Variants in FDXACB1 observed in about 807,000 individuals in gnomAD.
The protein encoded by FDXACB1 is ferredoxin-fold anticodon-binding domain-containing protein 1.
Under a neutral mutation model 51.7 loss-of-function variants are expected in FDXACB1, and 41 were observed. The observed-to-expected ratio is 0.79, with a 90% CI of 0.62 to 1.03. The LOEUF (loss-of-function observed/expected upper bound fraction) is 1.03, where lower values mean the gene tolerates loss of function less well. Ranked by LOEUF, FDXACB1 falls within the 50% of genes least tolerant of loss-of-function variation. FDXACB1 has a pLI of 0.00. For missense variants in FDXACB1, 697 were observed against 746.4 expected, an observed-to-expected ratio of 0.93 and a Z score of 0.77; for synonymous variants, 273 against 278.6, an observed-to-expected ratio of 0.98 and a Z score of 0.20.
At chr11:111,877,399 A>G (rs142909579) in intron 2 of FDXACB1, among the ~76,000 whole-genome samples, 1,573 of 152,278 alleles carry the variant, frequency 0.01, 24 homozygotes, top group African/African-American at 0.035. Flanking sequence ...CCTCTGTCAA[A>G]ACTTTATTGA....
In FDXACB1 at chr11:111,876,975, G is replaced by A. The variant is rs542081886; in HGVS notation, c.366C>T (p.His122=). 20 of 1,599,186 alleles carry A rather than the reference G, an allele frequency of 1.3e-5. No individual in the cohort carries two copies. The highest frequency in any genetic ancestry group is 1.1e-4 in the African/African-American group (8 of 74,824). Residue 122 remains histidine (H), a synonymous_variant, in exon 3 of 5, where the codon CAC becomes CAT. Coordinates refer to ENST00000260257, the MANE Select transcript of FDXACB1 (RefSeq NM_138378.3). The stretch of plus-strand genomic sequence containing the variant: ...CACCTTGTCCTCTACATAATGCCAC[G>A]TGGACTTCTCCTTCCTCTGCAAGAA... ...ADVLAEEGEV[H]VALCRGQGGT...
In FDXACB1 at chr11:111,874,838, G is replaced by C. The variant is rs1964772897; in HGVS notation, c.*84C>G. On this transcript the variant is annotated 3_prime_UTR_variant, in exon 5 of 5. Coordinates refer to ENST00000260257, the MANE Select transcript of FDXACB1 (RefSeq NM_138378.3). ...AAGATTTTACAAAAACAAAAATCCA[G>C]AAAGGACTACTGGTTGCAAGTTGGT... 1 of 1,188,722 alleles carries C rather than the reference G, an allele frequency of 8.4e-7. No homozygotes were observed. The allele number at this position is 1,188,722 out of a possible 1,614,324, so 73.6% of individuals were successfully genotyped here.
At position 111,874,995 on chromosome 11, in the gene FDXACB1, T is replaced by C. The variant is rs1335276634; in HGVS notation, c.1802A>G (p.Gln601Arg). ...GGACTGCATTGATGCTACTTGCTGCTGGGTGAGGGCCTTGTCACAGGTCTG... is the reference window on the plus strand; with the variant it reads ...GGACTGCATTGATGCTACTTGCTGCCGGGTGAGGGCCTTGTCACAGGTCTG... ...TYQTCDKALTQQQVASMQSQF... is the reference protein window; with the variant it reads ...TYQTCDKALTRQQVASMQSQF... Residue 601 changes from glutamine (Q) to arginine (R), a missense_variant, in exon 5 of 5, where the codon CAG (glutamine) becomes CGG (arginine). Gln to Arg is a conservative substitution (Grantham distance 43). This residue lies in a region of FDXACB1 where 538 missense variants were observed against 592.2 expected (regional missense o/e 0.91). Coordinates refer to ENST00000260257, the MANE Select transcript of FDXACB1 (RefSeq NM_138378.3). 3.7e-6 allele frequency: 6 copies of C among 1,613,874 alleles called. No homozygotes were observed. Among genetic ancestry groups the C allele is most frequent in the African/African-American group, 1.3e-5 (1 of 74,926 alleles).
At position 111,876,883 on chromosome 11, in the gene FDXACB1, A is replaced by C; in HGVS notation, c.458T>G (p.Leu153Arg). ...CACGTCGCTTAAAATGAGCCCCCCC[A>C]GGGCTGCCATGGCAACCACTTGCCA... ...NSWQVVAMAA[L>R]GGLILSDVYP... is the part of the protein sequence containing the mutation. Residue 153 changes from leucine (L) to arginine (R), a missense_variant, in exon 3 of 5, where the codon CTG becomes CGG. This residue lies in a region of FDXACB1 where 538 missense variants were observed against 592.2 expected (regional missense o/e 0.91). Transcript: ENST00000260257. 3 of 1,613,596 alleles carry C rather than the reference A, an allele frequency of 1.9e-6. No individual in the cohort carries two copies. Among genetic ancestry groups the C allele is most frequent in the Non-Finnish European group, 2.5e-6 (3 of 1,179,712 alleles).
At position 111,874,928 on chromosome 11, in the gene FDXACB1, A is replaced by G; in HGVS notation, c.1869T>C (p.Pro623=). The G allele has an allele frequency of 6.2e-7, 1 of 1,613,208 alleles. No individual in the cohort carries two copies. The highest frequency in any genetic ancestry group is 8.5e-7 in the Non-Finnish European group (1 of 1,179,268). Residue 623 remains proline (P), a synonymous_variant, in exon 5 of 5, where the codon CCT becomes CCC. Transcript: ENST00000260257. ...CAGAAAAGGATTTACCAAACTACCGAGGTATAACATATAGGTGTTGTTGAA... is the reference window on the plus strand; with the variant it reads ...CAGAAAAGGATTTACCAAACTACCGGGGTATAACATATAGGTGTTGTTGAA... The part of the protein sequence containing the change: ...KEIQQHLYVI[P]R
intron 3 of FDXACB1, 28 bp from the exon 4 acceptor site, chr11:111,876,667 C>A: frequency 1.2e-6 from 2 of 1,602,798 alleles, no homozygotes; most frequent in South Asian, 2.2e-5. Flanking sequence ...AATATGAAGT[C>A]TGTCATTATT....
intron 3 of FDXACB1, 73 bp from the exon 4 acceptor site, chr11:111,876,712 T>C: frequency 1.3e-6 from 2 of 1,582,590 alleles, no homozygotes; most frequent in Non-Finnish European, 1.7e-6. Context: ...CCGAATCAAT[T>C]AATTGGCAGG....
chr11:111,876,554 T>C lies in FDXACB1; in HGVS notation c.619A>G (p.Ile207Val), dbSNP rs1566368679. Residue 207 changes from isoleucine (I) to valine (V), a missense_variant, in exon 4 of 5, where the codon ATC (isoleucine) becomes GTC (valine). Ile to Val is a conservative substitution (Grantham distance 29, BLOSUM62 3). Around this residue, in one of 3 missense-constraint regions of FDXACB1, gnomAD observed 538 missense variants for 592.2 expected, o/e 0.91. Transcript: ENST00000260257. ...TGGTTACCCAGTTTGATCCTGAAGATTCTGGGTTGAGAACCTTCAAAAGGT... is the reference window on the plus strand; with the variant it reads ...TGGTTACCCAGTTTGATCCTGAAGACTCTGGGTTGAGAACCTTCAAAAGGT... The part of the protein sequence containing the change: ...SLPFEGSQPR[I>V]FRIKLGNQWF... 1.9e-6 allele frequency: 3 copies of C among 1,614,066 alleles called. No individual in the cohort carries two copies. The highest frequency in any genetic ancestry group is 2.5e-6 in the Non-Finnish European group (3 of 1,179,892).
chr11:111,878,976 A>C lies in FDXACB1; in HGVS notation c.157T>G (p.Cys53Gly). 6.2e-7 allele frequency: 1 copy of C among 1,604,312 alleles called. No homozygotes were observed. Among genetic ancestry groups the C allele is most frequent in the Non-Finnish European group, 8.5e-7 (1 of 1,176,554 alleles). Residue 53 changes from cysteine to glycine, a missense_variant, in exon 1 of 5, where the codon TGC (cysteine) becomes GGC (glycine). Transcript: ENST00000260257. ...RDPLAWENLQ[C>G]LRERGIDVRF... ...GGCTCGCTACCTCGCTCGCGCAGGCACTGCAGATTCTCCCAGGCCAGTGGA... is the reference window on the plus strand; with the variant it reads ...GGCTCGCTACCTCGCTCGCGCAGGCCCTGCAGATTCTCCCAGGCCAGTGGA...
rs200885903 is a variant in FDXACB1 at position 111,879,153 on chromosome 11, T to C, written c.-21A>G. The C allele has an allele frequency of 8.9e-4, 1,426 of 1,594,832 alleles. 3 individuals carry two copies. Among genetic ancestry groups the C allele is most frequent in the Non-Finnish European group, 7.8e-4 (910 of 1,170,456 alleles). On this transcript the variant is annotated 5_prime_UTR_variant, in exon 1 of 5. Transcript: ENST00000260257. ...GCCATGGCCTCCACGGACTCCCGGCTCGCGTTCTCTGTGGCGCTCGTTTTA... is the reference window on the plus strand; with the variant it reads ...GCCATGGCCTCCACGGACTCCCGGCCCGCGTTCTCTGTGGCGCTCGTTTTA...
In FDXACB1 at chr11:111,876,761, T is replaced by C. The variant is rs1280555612; in HGVS notation, c.533+47A>G. The C allele has an allele frequency of 3.1e-6, 5 of 1,599,620 alleles. No individual in the cohort carries two copies. The African/African-American group carries it at 5.4e-5, about 17-fold the overall frequency. ...GTCTATGAGATTTTGTTATCATTAG[T>C]GAGAGAGATGAAAACGCAGAAGGCT... On this transcript the variant is annotated intron_variant, in intron 3 of 4. Coordinates refer to ENST00000260257, the MANE Select transcript of FDXACB1 (RefSeq NM_138378.3).
rs1964787872 is a variant in FDXACB1, at chr11:111,875,309, C to T, written c.1488G>A (p.Met496Ile). ...FVSMNLDLLA[M>I]LVWCISDWRM... is the part of the protein sequence containing the mutation. ...TCCAGTCAGAGATACACCAGACAAG[C>T]ATGGCTAATAAGTCCAAGTTCATAG... The change falls in exon 5 of 5, where the codon ATG (methionine) becomes ATA (isoleucine). Residue 496 changes from methionine to isoleucine, a missense_variant. Coordinates refer to ENST00000260257, the MANE Select transcript of FDXACB1 (RefSeq NM_138378.3). 6.2e-7 allele frequency: 1 copy of T among 1,613,786 alleles called. No homozygotes were observed. The highest frequency in any genetic ancestry group is 1.7e-5 in the Admixed American group (1 of 59,984).
At chr11:111,876,671 C>T (rs1436798258) in intron 3 of FDXACB1, 32 bp from the exon 4 acceptor site, 1 of 1,600,944 alleles carries the variant, frequency 6.2e-7, no homozygotes, top group Non-Finnish European at 8.5e-7. Context: ...TGAAGTCTGT[C>T]ATTATTAAAA....
rs1555162127 is a variant in FDXACB1, at chr11:111,876,091, C to G, written c.706G>C (p.Ala236Pro). ...GTTTTGATAGGATGACATGAAGGTG[C>G]TTCCAGGAAACCCCTGTTTAAACAC... ...VGKLNRGFLE[A>P]PSCHPIKTIN... The change falls in exon 5 of 5, where the codon GCA becomes CCA. Residue 236 changes from alanine to proline, a missense_variant. Transcript: ENST00000260257. 1.2e-6 allele frequency: 2 copies of G among 1,601,184 alleles called. No homozygotes were observed. The highest frequency in any genetic ancestry group is 8.5e-7 in the Non-Finnish European group (1 of 1,173,296).
rs370683740 is a variant in FDXACB1 at position 111,875,781 on chromosome 11, G to T, written c.1016C>A (p.Thr339Asn). The change falls in exon 5 of 5, where the codon ACC becomes AAC. Residue 339 changes from threonine to asparagine, a missense_variant. By Grantham distance (65) the Thr-to-Asn change is moderately conservative. Coordinates refer to ENST00000260257, the MANE Select transcript of FDXACB1 (RefSeq NM_138378.3). ...RDGKEEACEG[T>N]CGQAKICLRP... ...AAGGCAGATCTTGGCCTGGCCACAG[G>T]TTCCTTCACAAGCTTCTTCTTTACC... 5.0e-6 allele frequency: 8 copies of T among 1,613,534 alleles called. No individual in the cohort carries two copies. The highest frequency in any genetic ancestry group is 2.2e-5 in the East Asian group (1 of 44,896).
At chr11:111,877,307 T>A (rs1313346573) in intron 2 of FDXACB1, among the ~76,000 whole-genome samples, 2 of 152,212 alleles carry the variant, frequency 1.3e-5, no homozygotes, top group Non-Finnish European at 2.9e-5. Flanking sequence ...CTATATATGA[T>A]TCATTGCTTA....
chr11:111,874,906 A>G lies in FDXACB1; in HGVS notation c.*16T>C. On this transcript the variant is annotated 3_prime_UTR_variant, in exon 5 of 5. Coordinates refer to ENST00000260257, the MANE Select transcript of FDXACB1 (RefSeq NM_138378.3). ...CCCGCAATGAAGGATCACACTGCAGAAAAGGATTTACCAAACTACCGAGGT... is the reference window on the plus strand; with the variant it reads ...CCCGCAATGAAGGATCACACTGCAGGAAAGGATTTACCAAACTACCGAGGT... 6.2e-7 allele frequency: 1 copy of G among 1,607,068 alleles called. No individual in the cohort carries two copies. Among genetic ancestry groups the G allele is most frequent in the South Asian group, 1.1e-5 (1 of 90,702 alleles).
chr11:111,875,477 G>GA lies in FDXACB1; in HGVS notation c.1319dup (p.Leu441ProfsTer16). ...TATAATCCTTTCCATTTGACTGAAG[G>GA]ACAAATTTGACTAAACTGCTCAGCT... On this transcript the variant is annotated frameshift_variant, in exon 5 of 5. Coordinates refer to ENST00000260257, the MANE Select transcript of FDXACB1 (RefSeq NM_138378.3). LOFTEE classifies it high-confidence loss of function. 6.2e-7 allele frequency: 1 copy of GA among 1,612,240 alleles called. No individual in the cohort carries two copies. Among genetic ancestry groups the GA allele is most frequent in the South Asian group, 1.1e-5 (1 of 90,940 alleles).
At chr11:111,878,433 T>C (rs1555162518) in intron 2 of FDXACB1, 123 bp downstream of exon 2, 1 of 1,097,006 alleles carries the variant, frequency 9.1e-7, no homozygotes, top group African/African-American at 1.6e-5. Context: ...GGGGTTCCTT[T>C]GGGGCTTTAT....
Sources: allele counts gnomAD v4.1 joint callset (sites outside exome capture counted in the v4.1 genomes callset), GRCh38; gene constraint gnomAD v4.1.1; regional missense constraint gnomAD v4.1.1; transcripts MANE v1.5; gene names NCBI Gene and HGNC (gene_info 2026-07-23, HGNC 2026-07-21).